Variants in ARID2 observed in about 807,000 individuals in gnomAD.
ARID2 encodes the protein AT-rich interaction domain 2.
Under a neutral mutation model 184.6 loss-of-function variants are expected in ARID2, and 32 were observed. The ratio of observed to expected loss-of-function variants is 0.17; its 90% CI spans 0.13 to 0.23. The LOEUF (loss-of-function observed/expected upper bound fraction) is 0.23. Among genes scored for constraint, ARID2 ranks in the 10% least tolerant of loss-of-function variants. The probability of loss-of-function intolerance (pLI) is 1.00; values close to 1 mark genes in which losing one functional copy is unlikely to be tolerated. For synonymous variants in ARID2, 836 were observed against 772.6 expected, an observed-to-expected ratio of 1.08 and a Z score of -1.36; for missense variants, 1,696 against 2,197.6, an observed-to-expected ratio of 0.77 and a Z score of 4.56.
At chr12:45,880,049 A>T (rs916619911) in intron 16 of ARID2, among the ~76,000 whole-genome samples, 3 of 152,182 alleles carry the variant, frequency 2.0e-5, no homozygotes, top group African/African-American at 7.2e-5. Context: ...GCCTTTAAAC[A>T]TAGGAGTTTT....
Position 45,803,479 on chromosome 12 carries a change from A to C in ARID2, c.285-7939A>C, listed in dbSNP as rs574139248. ...TTGCTTGAAATAATATTTCATTTTAAACTTTAACAAAGTACTTCAAATTCT... is the reference window on the plus strand; with the variant it reads ...TTGCTTGAAATAATATTTCATTTTACACTTTAACAAAGTACTTCAAATTCT... On this transcript the variant is annotated intron_variant, in intron 3 of 20. Coordinates refer to ENST00000334344, the MANE Select transcript of ARID2 (RefSeq NM_152641.4). Among the ~76,000 whole-genome samples, 4 of 152,318 alleles carry C rather than the reference A, an allele frequency of 2.6e-5. No homozygotes were observed. The East Asian group carries it at 7.7e-4, about 29-fold the overall frequency.
At chr12:45,827,894 CAG>C (rs1943031936) in intron 6 of ARID2, among the ~76,000 whole-genome samples, 1 of 151,996 alleles carries the variant, frequency 6.6e-6, no homozygotes, top group Non-Finnish European at 1.5e-5. Context: ...ATGCAGTTAA[CAG>C]AAAATTTTAA....
At chr12:45,825,923 A>G (rs1216491944) in intron 6 of ARID2, among the ~76,000 whole-genome samples, 1 of 152,008 alleles carries the variant, frequency 6.6e-6, no homozygotes, top group African/African-American at 2.4e-5. Context: ...GATTTATTGA[A>G]TTTTTTGTAG....
At chr12:45,730,740 C>T (rs1453635180) in intron 2 of ARID2, among the ~76,000 whole-genome samples, 2 of 151,924 alleles carry the variant, frequency 1.3e-5, no homozygotes, top group Admixed American at 6.6e-5. Context: ...CAAGGCTAGG[C>T]AGAAGCTGTA....
chr12:45,835,596 T>C (rs1592107485), intron 6 of ARID2, among the ~76,000 whole-genome samples: 1 of 152,126 alleles, frequency 6.6e-6, no homozygotes, highest in African/African-American at 2.4e-5. Flanking sequence ...GTTGAAGAAA[T>C]TCTAAAGAAA....
chr12:45,822,514 T>C (rs558507925), intron 6 of ARID2, among the ~76,000 whole-genome samples: 1 of 152,258 alleles, frequency 6.6e-6, no homozygotes, highest in East Asian at 1.9e-4. Context: ...CACTCTAGTC[T>C]GGGTGACAGA....
At chr12:45,785,414 A>G (rs919793813) in intron 3 of ARID2, among the ~76,000 whole-genome samples, 19 of 152,208 alleles carry the variant, frequency 1.2e-4, no homozygotes, top group African/African-American at 4.6e-4. Context: ...TGTTTTCCAT[A>G]AGACGCACAG....
rs2138177243 is a variant in ARID2, at chr12:45,852,254, A to G, written c.4131A>G (p.Pro1377=). Residue 1377 remains proline (P), a synonymous_variant, in exon 15 of 21, where the codon CCA becomes CCG. Coordinates refer to ENST00000334344, the MANE Select transcript of ARID2 (RefSeq NM_152641.4). ...GDGSHLSKNI[P]NHKTSNHVGN... is the part of the protein sequence containing the mutation. Reference sequence around the variant, plus strand: ...GTTCTCATTTAAGCAAAAACATTCCAAATCATAAAACTTCCAATCATGTAG... The same window carrying G: ...GTTCTCATTTAAGCAAAAACATTCCGAATCATAAAACTTCCAATCATGTAG... 3 of 1,614,134 alleles carry G rather than the reference A, an allele frequency of 1.9e-6. No individual in the cohort carries two copies. Among genetic ancestry groups the G allele is most frequent in the Non-Finnish European group, 2.5e-6 (3 of 1,180,006 alleles).
intron 3 of ARID2, among the ~76,000 whole-genome samples, chr12:45,808,836 C>T (rs1207611421): frequency 1.3e-5 from 2 of 152,134 alleles, no homozygotes; most frequent in African/African-American, 4.8e-5. Flanking sequence ...ACAATCTTGG[C>T]TCACTGTAAC....
chr12:45,773,239 T>G (rs1463584057), intron 3 of ARID2, among the ~76,000 whole-genome samples: 1 of 151,960 alleles, frequency 6.6e-6, no homozygotes, highest in African/African-American at 2.4e-5. Flanking sequence ...AACTTATGGG[T>G]GCAGTTAAGG....
intron 16 of ARID2, among the ~76,000 whole-genome samples, chr12:45,888,677 A>G (rs892157131): frequency 3.3e-5 from 5 of 152,166 alleles, no homozygotes; most frequent in African/African-American, 7.2e-5. Flanking sequence ...AGATTTATAC[A>G]TATCATCAAA....
intron 15 of ARID2, among the ~76,000 whole-genome samples, chr12:45,860,117 A>G (rs1943717563): frequency 6.6e-6 from 1 of 152,196 alleles, no homozygotes; most frequent in Non-Finnish European, 1.5e-5. Flanking sequence ...GCACTTTGGG[A>G]GGCCAAAGGG....
Position 45,817,895 on chromosome 12 carries a change from T to G in ARID2, c.637+7T>G, listed in dbSNP as rs369767618. The G allele has an allele frequency of 1.9e-6, 3 of 1,607,470 alleles. No homozygotes were observed. In the African/African-American group the frequency reaches 4.0e-5, roughly 22 times the overall value. On this transcript the variant is annotated splice_region_variant and intron_variant, in intron 5 of 20. Transcript: ENST00000334344. ...GCCGGGGTGTTTGACGACAGTAAGT[T>G]TTAAGCTGAATGTATTATATAATTC...
intron 6 of ARID2, among the ~76,000 whole-genome samples, chr12:45,824,628 A>G (rs1443544737): frequency 6.6e-6 from 1 of 152,082 alleles, no homozygotes; most frequent in East Asian, 1.9e-4. Context: ...GCAAAATAAC[A>G]AATGCTGGTA....
intron 6 of ARID2, among the ~76,000 whole-genome samples, chr12:45,826,477 G>C (rs1017668780): frequency 6.6e-6 from 1 of 152,064 alleles, no homozygotes; most frequent in Non-Finnish European, 1.5e-5. Context: ...CTAGAGTCCA[G>C]TGGTGCCATT....
rs142183578 is a variant in ARID2, at chr12:45,741,184, A to G, written c.284+9870A>G. 4.5e-4 allele frequency among the ~76,000 whole-genome samples: 68 copies of G among 152,064 alleles called. No homozygotes were observed. In the East Asian group the frequency reaches 0.013, roughly 29 times the overall value. On this transcript the variant is annotated intron_variant, in intron 3 of 20. Transcript: ENST00000334344. ...TGATGCTTGTTTTCTAACTCTTATC[A>G]TTTCTTTTACATTTATTTGTTTTTG...
intron 18 of ARID2, among the ~76,000 whole-genome samples, 190 bp from the exon 19 acceptor site, chr12:45,893,230 T>C (rs1944325453): frequency 6.6e-6 from 1 of 152,256 alleles, no homozygotes; most frequent in Non-Finnish European, 1.5e-5. Context: ...TTTACCTTGA[T>C]ACTAAGCGCC....
chr12:45,872,615 T>C (rs916547627), intron 16 of ARID2, among the ~76,000 whole-genome samples: 1 of 152,294 alleles, frequency 6.6e-6, no homozygotes, highest in East Asian at 1.9e-4. Flanking sequence ...GAAAAGTCCC[T>C]TATAAAATCG....
chr12:45,852,083 A>C lies in ARID2; in HGVS notation c.3960A>C (p.Ser1320=), dbSNP rs1165735341. 1.9e-6 allele frequency: 3 copies of C among 1,614,034 alleles called. No homozygotes were observed. The highest frequency in any genetic ancestry group is 8.5e-7 in the Non-Finnish European group (1 of 1,180,020). Residue 1320 remains serine (S), a synonymous_variant, in exon 15 of 21, where the codon TCA becomes TCC. Coordinates refer to ENST00000334344, the MANE Select transcript of ARID2 (RefSeq NM_152641.4). ...TTCAAAGTGAGACTAATCAGTGCTCACTAATCAGTAATGGGCCATCATTGG... is the reference window on the plus strand; with the variant it reads ...TTCAAAGTGAGACTAATCAGTGCTCCCTAATCAGTAATGGGCCATCATTGG... The part of the protein sequence containing the change: ...GKIQSETNQC[S]LISNGPSLEL...
Sources: gnomAD v4.1 joint callset for allele counts (sites outside exome capture counted in the v4.1 genomes callset) on GRCh38, gnomAD v4.1.1 for gene constraint, MANE v1.5 for transcripts, NCBI Gene and HGNC (gene_info 2026-07-23, HGNC 2026-07-21) for gene names.